The following KIAA1217 variants were observed in gnomAD, a reference collection of about 807,000 sequenced individuals.
The protein encoded by KIAA1217 is sickle tail protein homolog.
In KIAA1217, 88 loss-of-function variants were observed where a neutral mutation model predicts 163.9. That is an observed-to-expected ratio of 0.54 (90% CI 0.45 to 0.64). The LOEUF is 0.64. KIAA1217 is among the 30% of genes least tolerant of loss of function. KIAA1217 has a pLI of 0.00. For missense variants in KIAA1217, 2,372 were observed against 2,475.0 expected (o/e 0.96, Z 0.88); for synonymous variants, 903 against 923.1 (o/e 0.98, Z 0.39).
At chr10:24,075,102 C>T (rs1355429454) in intron 2 of KIAA1217, among the ~76,000 whole-genome samples, 1 of 146,640 alleles carries the variant, frequency 6.8e-6, no homozygotes, top group Non-Finnish European at 1.5e-5. Flanking sequence ...TGAGAAAGTC[C>T]TTCTGTTCCC....
chr10:23,857,606 G>T (rs558328366), intron 1 of KIAA1217, among the ~76,000 whole-genome samples: 1 of 152,132 alleles, frequency 6.6e-6, no homozygotes. Flanking sequence ...AAGGTCTAGG[G>T]TCGGGGCCCA....
intron 2 of KIAA1217, among the ~76,000 whole-genome samples, chr10:24,161,230 G>A (rs78831903): frequency 4.6e-5 from 7 of 152,094 alleles, no homozygotes; most frequent in East Asian, 1.9e-4. Flanking sequence ...AAACTCCTTC[G>A]CCATAAAATG....
At chr10:23,858,690 A>T (rs145744321) in intron 1 of KIAA1217, among the ~76,000 whole-genome samples, 5 of 152,014 alleles carry the variant, frequency 3.3e-5, no homozygotes, top group Admixed American at 6.6e-5. Flanking sequence ...CCAGTCTTCA[A>T]CCCTCACTGA....
chr10:24,533,551 A>T (rs982243673), intron 16 of KIAA1217, among the ~76,000 whole-genome samples: 16 of 152,240 alleles, frequency 1.1e-4, no homozygotes, highest in Admixed American at 5.2e-4. Flanking sequence ...TAAGATAAGG[A>T]TTAGAAATAC....
chr10:24,056,718 T>C (rs189234739), intron 2 of KIAA1217, among the ~76,000 whole-genome samples: 1 of 152,124 alleles, frequency 6.6e-6, no homozygotes, highest in East Asian at 1.9e-4. Context: ...AGGAAACAAA[T>C]GACCATGAGT....
rs1186581024 is a variant in KIAA1217, at chr10:23,768,254, A to T, written c.-321+73020A>T. ...GGTCTCTTTTATGGTCAGAGGAGGGATAGGAATGATGACAGTTGCATATTC... is the reference window on the plus strand; with the variant it reads ...GGTCTCTTTTATGGTCAGAGGAGGGTTAGGAATGATGACAGTTGCATATTC... On this transcript the variant is annotated intron_variant, in intron 1 of 18. Coordinates refer to the KIAA1217 transcript ENST00000376462. Among the ~76,000 whole-genome samples, 4 of 152,296 alleles carry T rather than the reference A, an allele frequency of 2.6e-5. No individual in the cohort carries two copies. The East Asian group carries it at 7.7e-4, about 29-fold the overall frequency.
chr10:24,417,105 C>A (rs560522890), intron 3 of KIAA1217, among the ~76,000 whole-genome samples: 1 of 152,158 alleles, frequency 6.6e-6, no homozygotes, highest in African/African-American at 2.4e-5. Flanking sequence ...TACAGCGAGT[C>A]TTTTGTTTTT....
At chr10:23,861,619 A>T (rs573382564) in intron 1 of KIAA1217, among the ~76,000 whole-genome samples, 12 of 152,318 alleles carry the variant, frequency 7.9e-5, no homozygotes, top group Admixed American at 7.8e-4. Flanking sequence ...AGTCAGAGAA[A>T]TTCAAAGCTT....
chr10:24,437,710 G>A (rs1217318586), intron 4 of KIAA1217, among the ~76,000 whole-genome samples: 1 of 151,906 alleles, frequency 6.6e-6, no homozygotes, highest in African/African-American at 2.4e-5. Context: ...GCCGGGTTCA[G>A]AGAAAAAAGA....
chr10:24,143,051 A>T (rs1399959363), intron 2 of KIAA1217, among the ~76,000 whole-genome samples: 1 of 152,232 alleles, frequency 6.6e-6, no homozygotes, highest in Non-Finnish European at 1.5e-5. Flanking sequence ...TCTCACGTAG[A>T]TTCTTTAAGG....
intron 1 of KIAA1217, among the ~76,000 whole-genome samples, chr10:24,001,257 C>T (rs776489053): frequency 2.0e-5 from 3 of 152,164 alleles, no homozygotes; most frequent in African/African-American, 7.2e-5. Context: ...ATACATCTGC[C>T]ATGCTTCATA....
chr10:24,235,815 C>G (rs957357591), intron 2 of KIAA1217, among the ~76,000 whole-genome samples: 1 of 152,148 alleles, frequency 6.6e-6, no homozygotes, highest in Non-Finnish European at 1.5e-5. Context: ...AGAAGGTCCG[C>G]GTTGACCCTT....
At chr10:23,984,913 G>T (rs1845909994) in intron 1 of KIAA1217, among the ~76,000 whole-genome samples, 1 of 150,186 alleles carries the variant, frequency 6.7e-6, no homozygotes, top group Non-Finnish European at 1.5e-5. Flanking sequence ...ATGTATCCCA[G>T]AACTTAAAGT....
intron 2 of KIAA1217, among the ~76,000 whole-genome samples, chr10:24,092,122 T>A (rs2061959473): frequency 6.6e-6 from 1 of 151,756 alleles, no homozygotes; most frequent in Non-Finnish European, 1.5e-5. Flanking sequence ...CTTCCCATCA[T>A]CATTAAACAT....
chr10:24,288,735 A>G (rs2078803667), intron 2 of KIAA1217, among the ~76,000 whole-genome samples: 1 of 152,220 alleles, frequency 6.6e-6, no homozygotes, highest in Non-Finnish European at 1.5e-5. Context: ...CAAAGAGATC[A>G]TGGTATGTCC....
chr10:23,703,880 T>TA (rs1326471701), intron 1 of KIAA1217, among the ~76,000 whole-genome samples: 2 of 151,612 alleles, frequency 1.3e-5, no homozygotes, highest in African/African-American at 4.8e-5. Context: ...TTTTATTTTT[T>TA]AAAAAGTCCT....
chr10:23,980,291 G>T (rs1845711111), intron 1 of KIAA1217, among the ~76,000 whole-genome samples: 1 of 152,146 alleles, frequency 6.6e-6, no homozygotes, highest in Non-Finnish European at 1.5e-5. Flanking sequence ...CAGGAGATAG[G>T]GTGACTGATC....
intron 2 of KIAA1217, among the ~76,000 whole-genome samples, chr10:24,311,162 A>G (rs2133031596): frequency 6.6e-6 from 1 of 152,288 alleles, no homozygotes; most frequent in Non-Finnish European, 1.5e-5. Context: ...GTGATCTAGA[A>G]TTGCCCCTGA....
intron 1 of KIAA1217, among the ~76,000 whole-genome samples, chr10:23,809,586 A>T (rs1431338628): frequency 1.3e-5 from 2 of 152,052 alleles, no homozygotes; most frequent in Non-Finnish European, 2.9e-5. Context: ...AATCACTGTA[A>T]CTAAATGCTT....
Sources: gnomAD v4.1 joint callset for allele counts (sites outside exome capture counted in the v4.1 genomes callset) on GRCh38, gnomAD v4.1.1 for gene constraint, MANE v1.5 for transcripts, NCBI Gene and HGNC (gene_info 2026-07-23, HGNC 2026-07-21) for gene names.